The following NFASC variants were observed in gnomAD, a reference collection of about 807,000 sequenced individuals.
The protein encoded by NFASC is neurofascin.
Under a neutral mutation model 147.5 loss-of-function variants are expected in NFASC, and 43 were observed. The observed-to-expected ratio is 0.29, with a 90% CI of 0.23 to 0.38. The LOEUF (loss-of-function observed/expected upper bound fraction) is 0.38. Among genes scored for constraint, NFASC ranks in the 10% least tolerant of loss-of-function variants. NFASC has a pLI of 1.00. For synonymous variants in NFASC, 622 were observed against 665.5 expected (o/e 0.93, Z 1.01); for missense variants, 1,320 against 1,689.0 (o/e 0.78, Z 3.83).
At chr1:204,985,480 C>T (rs1338408026) in intron 21 of NFASC, among the ~76,000 whole-genome samples, 1 of 152,242 alleles carries the variant, frequency 6.6e-6, no homozygotes, top group East Asian at 1.9e-4. Context: ...CTAAACCATA[C>T]TAATCCAATT....
intron 2 of NFASC, among the ~76,000 whole-genome samples, chr1:204,928,799 G>A (rs1048608558): frequency 2.0e-5 from 3 of 152,164 alleles, no homozygotes; most frequent in African/African-American, 7.2e-5. Context: ...CACCCTAGAA[G>A]TGGCTGCACT....
rs775056547 is a variant in NFASC, at chr1:204,987,972, G to T, written c.2593+432G>T. Among the ~76,000 whole-genome samples, 107 of 152,296 alleles carry T rather than the reference G, an allele frequency of 7.0e-4. No individual in the cohort carries two copies. In the Middle Eastern group the frequency reaches 0.01, roughly 15 times the overall value. Reference sequence around the variant, plus strand: ...ATTTATGATAAGGCAGCTGCATGTAGAGCTGCCCGGTGACTGTGGGGTGAC... The same window carrying T: ...ATTTATGATAAGGCAGCTGCATGTATAGCTGCCCGGTGACTGTGGGGTGAC... On this transcript the variant is annotated intron_variant, in intron 22 of 29. Coordinates refer to ENST00000339876, the MANE Select transcript of NFASC (RefSeq NM_001005388.3). This position sits in a 1 kb window ranked among gnomAD's most constrained non-coding sequence, Gnocchi z 4.4.
In NFASC at chr1:205,018,855, C is replaced by A. The variant is rs2096380990; in HGVS notation, c.*2316C>A. 6.6e-6 allele frequency: 1 copy of A among 152,312 alleles called. No individual in the cohort carries two copies. Among genetic ancestry groups the A allele is most frequent in the South Asian group, 2.1e-4 (1 of 4,838 alleles). The allele number at this position is 152,312 out of a possible 1,614,324, so 9.4% of individuals were successfully genotyped here. ...GGGCAGGAAGGGACGATGAGCAAGTCTGCCACACCACCTGGTGACTGGGAA... is the reference window on the plus strand; with the variant it reads ...GGGCAGGAAGGGACGATGAGCAAGTATGCCACACCACCTGGTGACTGGGAA... On this transcript the variant is annotated 3_prime_UTR_variant, in exon 30 of 30. Transcript: ENST00000339876.
At position 204,988,643 on chromosome 1, in the gene NFASC, C is replaced by G. The variant is rs1245652619; in HGVS notation, c.2604C>G (p.Thr868=). ...YTLKYVAFNG[T]KVGKQIVENF... is the part of the protein sequence containing the mutation. ...CCTCTCTCTCCCCAGTTAACGGGAC[C>G]AAAGTAGGAAAGCAGATAGTGGAAA... Residue 868 remains threonine, a synonymous_variant, in exon 23 of 30, where the codon ACC becomes ACG. Coordinates refer to ENST00000339876, the MANE Select transcript of NFASC (RefSeq NM_001005388.3). The G allele has an allele frequency of 6.2e-7, 1 of 1,614,132 alleles. No homozygotes were observed. The highest frequency in any genetic ancestry group is 2.2e-5 in the East Asian group (1 of 44,886).
At chr1:204,831,342 G>A (rs1672173884) in intron 1 of NFASC, among the ~76,000 whole-genome samples, 1 of 150,750 alleles carries the variant, frequency 6.6e-6, no homozygotes. Context: ...CTCCCTGTGG[G>A]CTGAACTGGC....
chr1:204,918,365 A>G (rs1188673745), intron 1 of NFASC, among the ~76,000 whole-genome samples: 1 of 152,044 alleles, frequency 6.6e-6, no homozygotes, highest in Non-Finnish European at 1.5e-5. Context: ...TTTTTTTGCA[A>G]TTTATTTTAC....
At chr1:204,950,915 G>T (rs1273592866) in intron 4 of NFASC, among the ~76,000 whole-genome samples, 1 of 152,134 alleles carries the variant, frequency 6.6e-6, no homozygotes, top group African/African-American at 2.4e-5. Flanking sequence ...AGTTCTTGGG[G>T]ACTGAAGGCC....
Position 204,981,848 on chromosome 1 carries a change from G to A in NFASC, c.2298G>A (p.Lys766=), listed in dbSNP as rs370789660. The A allele has an allele frequency of 5.0e-6, 8 of 1,599,720 alleles. No individual in the cohort carries two copies. In the African/African-American group the frequency reaches 1.1e-4, roughly 22 times the overall value. The change falls in exon 21 of 30, where the codon AAG becomes AAA. Residue 766 remains lysine (K), a synonymous_variant. Coordinates refer to ENST00000339876, the MANE Select transcript of NFASC (RefSeq NM_001005388.3). ...GCCCCAACCTGCGCTACATTGTCAA[G>A]TGGAGGCGGAGAGAGACTCGAGAGG... ...AFGPNLRYIV[K]WRRRETREAW...
At chr1:204,843,883 G>C (rs1200937913) in intron 1 of NFASC, among the ~76,000 whole-genome samples, 3 of 151,848 alleles carry the variant, frequency 2.0e-5, no homozygotes, top group African/African-American at 7.3e-5. Context: ...AGCTAATTTT[G>C]TATTTTTACA....
At chr1:204,974,135 GAGTTT>G (rs2095340594) in intron 12 of NFASC, 39 bp from the exon 13 acceptor site, 1 of 1,494,570 alleles carries the variant, frequency 6.7e-7, no homozygotes, top group Non-Finnish European at 9.3e-7. Flanking sequence ...AGAGATGGAA[GAGTTT>G]AGACTTGGCA....
Position 205,021,106 on chromosome 1 carries a change from A to C in NFASC, c.*4567A>C, listed in dbSNP as rs143027449. 6.6e-6 allele frequency: 1 copy of C among 152,388 alleles called. No individual in the cohort carries two copies. The highest frequency in any genetic ancestry group is 1.9e-4 in the East Asian group (1 of 5,198). 9.4% of individuals were successfully genotyped at this position (152,388 alleles called of 1,614,324 possible). On this transcript the variant is annotated 3_prime_UTR_variant, in exon 30 of 30. Coordinates refer to ENST00000339876, the MANE Select transcript of NFASC (RefSeq NM_001005388.3). ...GACCAAGGCCCTGGGAGGCATAGGC[A>C]AGCCGGGCAGAGTCAGACCAGTGCC...
chr1:204,863,985 AAAAG>A (rs2076912111), intron 1 of NFASC, among the ~76,000 whole-genome samples: 1 of 152,116 alleles, frequency 6.6e-6, no homozygotes, highest in Non-Finnish European at 1.5e-5. Flanking sequence ...GAAAGAAAGA[AAAAG>A]AAAGAAACTC....
chr1:204,903,494 C>T (rs1421737751), intron 1 of NFASC, among the ~76,000 whole-genome samples: 1 of 152,198 alleles, frequency 6.6e-6, no homozygotes, highest in Non-Finnish European at 1.5e-5. Context: ...TATAGCTGGG[C>T]CTTTGTGGGG....
At chr1:205,007,948 T>TG (rs1284622479) in intron 27 of NFASC, among the ~76,000 whole-genome samples, 1 of 152,118 alleles carries the variant, frequency 6.6e-6, no homozygotes, top group Non-Finnish European at 1.5e-5. Flanking sequence ...GGGGGCCTGC[T>TG]GGGAGCAGGA....
intron 1 of NFASC, among the ~76,000 whole-genome samples, chr1:204,913,070 A>T (rs776846145): frequency 6.6e-6 from 1 of 152,190 alleles, no homozygotes; most frequent in Non-Finnish European, 1.5e-5. Context: ...ATAACTTTCA[A>T]TGTGGTGGGA....
At chr1:204,904,084 G>A (rs192674231) in intron 1 of NFASC, among the ~76,000 whole-genome samples, 2 of 151,984 alleles carry the variant, frequency 1.3e-5, no homozygotes, top group African/African-American at 4.8e-5. Context: ...CTTCTTCTTC[G>A]AGTTTTTCGT....
chr1:204,936,346 C>T (rs1260362951), intron 2 of NFASC, among the ~76,000 whole-genome samples: 1 of 151,726 alleles, frequency 6.6e-6, no homozygotes, highest in Non-Finnish European at 1.5e-5. Flanking sequence ...GGATTACAGG[C>T]GTGCACCCCC....
chr1:204,911,196 G>A (rs750016849), intron 1 of NFASC, among the ~76,000 whole-genome samples: 19 of 152,136 alleles, frequency 1.2e-4, no homozygotes, highest in Non-Finnish European at 2.4e-4. Flanking sequence ...TGATTGACAC[G>A]ATTGTGTAAT....
intron 2 of NFASC, among the ~76,000 whole-genome samples, chr1:204,926,333 T>G (rs2091489338): frequency 6.7e-6 from 1 of 148,540 alleles, no homozygotes; most frequent in South Asian, 2.1e-4. Context: ...TATCACAGTT[T>G]TTTTTCTAAC....
Sources: allele counts gnomAD v4.1 joint callset (sites outside exome capture counted in the v4.1 genomes callset), GRCh38; gene constraint gnomAD v4.1.1; non-coding constraint Gnocchi (gnomAD v3.1); transcripts MANE v1.5; gene names NCBI Gene and HGNC (gene_info 2026-07-23, HGNC 2026-07-21).